The following USO1 variants were observed in gnomAD, a reference collection of about 807,000 sequenced individuals.
The protein encoded by USO1 is USO1 vesicle transport factor.
USO1 carries 57 observed loss-of-function variants against 124.5 expected under a neutral mutation model. The observed-to-expected ratio is 0.46, with a 90% CI of 0.37 to 0.57. The LOEUF (loss-of-function observed/expected upper bound fraction) is 0.57, where lower values mean the gene tolerates loss of function less well. Ranked by LOEUF, USO1 falls within the 20% of genes least tolerant of loss-of-function variation. The pLI is 0.00. For missense variants in USO1, 900 were observed against 1,040.6 expected (o/e 0.86, Z 1.86); for synonymous variants, 369 against 362.8 (o/e 1.02, Z -0.19).
rs1290096821 is a variant in USO1, at chr4:75,752,566, A to G, written c.180A>G (p.Gln60=). The G allele has an allele frequency of 2.5e-6, 1 of 398,448 alleles. No homozygotes were observed. Among genetic ancestry groups the G allele is most frequent in the Non-Finnish European group, 4.4e-6 (1 of 226,052 alleles). 24.7% of individuals were successfully genotyped at this position (398,448 alleles called of 1,614,324 possible). A position where few individuals can be genotyped will look rare whatever the true frequency, so the allele number is the denominator to read the frequency against. The part of the protein sequence containing the change: ...SKKYRLEVGI[Q]AMEHLIHVLQ... ...AATACCGCTTGGAAGTGGGTATACA[A>G]GCTATGGAACATCTTATTCATGTTT... is the stretch of plus-strand genomic sequence containing the variant. The change falls in exon 3 of 24, where the codon CAA becomes CAG. Residue 60 remains glutamine (Q), a synonymous_variant. Coordinates refer to ENST00000514213, the MANE Select transcript of USO1 (RefSeq NM_003715.4).
intron 8 of USO1, among the ~76,000 whole-genome samples, chr4:75,776,691 A>G (rs1722080128): frequency 6.6e-6 from 1 of 152,174 alleles, no homozygotes; most frequent in South Asian, 2.1e-4. Flanking sequence ...CAAAGCCTTC[A>G]GATGGTCCTA....
chr4:75,773,219 G>A (rs865898727), intron 7 of USO1, among the ~76,000 whole-genome samples: 2 of 151,996 alleles, frequency 1.3e-5, no homozygotes, highest in Non-Finnish European at 2.9e-5. Context: ...ACAAATAAGT[G>A]TCTATTTATA....
chr4:75,784,023 T>G (rs1403414142), intron 9 of USO1, among the ~76,000 whole-genome samples: 1 of 152,212 alleles, frequency 6.6e-6, no homozygotes, highest in Non-Finnish European at 1.5e-5. Flanking sequence ...TGCTTTATTT[T>G]GTTTTGTTTT....
chr4:75,780,541 G>C (rs1482950321), intron 8 of USO1, among the ~76,000 whole-genome samples: 1 of 150,836 alleles, frequency 6.6e-6, no homozygotes, highest in Non-Finnish European at 1.5e-5. Context: ...AAAGTGCTGG[G>C]ATTACAGACG....
chr4:75,742,067 A>G (rs1276644835), intron 1 of USO1, among the ~76,000 whole-genome samples: 1 of 152,184 alleles, frequency 6.6e-6, no homozygotes, highest in African/African-American at 2.4e-5. Flanking sequence ...TTCTTCTGGA[A>G]TACTTCTTGA....
In USO1 at chr4:75,752,268, A is replaced by AT. The variant is rs1443548631; in HGVS notation, c.67-104dup. On this transcript the variant is annotated intron_variant, in intron 1 of 23. Coordinates refer to ENST00000514213, the MANE Select transcript of USO1 (RefSeq NM_003715.4). Reference sequence around the variant, plus strand: ...ATTTCTGAAAGACCATTTCTGTTACATCCCATGTGCTGATTTTTTTTTTAA... The same window carrying AT: ...ATTTCTGAAAGACCATTTCTGTTACATTCCCATGTGCTGATTTTTTTTTTAA... The AT allele has an allele frequency of 8.2e-3, 3,246 of 396,090 alleles. 29 individuals carry two copies. The highest frequency in any genetic ancestry group is 9.4e-3 in the Non-Finnish European group (2,108 of 225,114). The allele number at this position is 396,090 out of a possible 1,614,324, so 24.5% of individuals were successfully genotyped here. A position where few individuals can be genotyped will look rare whatever the true frequency, so the allele number is the denominator to read the frequency against.
At position 75,774,009 on chromosome 4, in the gene USO1, AT is replaced by A. The variant is rs1447975752; in HGVS notation, c.556-666del. 3.9e-5 allele frequency among the ~76,000 whole-genome samples: 6 copies of A among 152,330 alleles called. No homozygotes were observed. In the South Asian group the frequency reaches 1.0e-3, roughly 26 times the overall value. On this transcript the variant is annotated intron_variant, in intron 7 of 23. Coordinates refer to ENST00000514213, the MANE Select transcript of USO1 (RefSeq NM_003715.4). Reference sequence around the variant, plus strand: ...TTGCATAATACCAAAATAAGCAAAAATGGGTAACAGTGAGTTTTTATTGAAT... The same window carrying A: ...TTGCATAATACCAAAATAAGCAAAAAGGGTAACAGTGAGTTTTTATTGAAT...
chr4:75,759,994 C>G (rs1721558647), intron 4 of USO1, among the ~76,000 whole-genome samples: 1 of 151,764 alleles, frequency 6.6e-6, no homozygotes. Context: ...GGTGGATCAC[C>G]TGAGGTCAGG....
chr4:75,742,037 ACTC>A (rs1560436616), intron 1 of USO1, among the ~76,000 whole-genome samples: 1 of 151,906 alleles, frequency 6.6e-6, no homozygotes, highest in African/African-American at 2.4e-5. Flanking sequence ...AGAGCTGTCA[ACTC>A]CTATAATAAT....
chr4:75,735,663 G>A (rs1720768505), intron 1 of USO1, among the ~76,000 whole-genome samples: 1 of 152,254 alleles, frequency 6.6e-6, no homozygotes, highest in South Asian at 2.1e-4. Flanking sequence ...TGGGACTACA[G>A]GTACAAGGCA....
chr4:75,725,074 C>T (rs1720368362), intron 1 of USO1, 189 bp downstream of exon 1: 2 of 656,228 alleles, frequency 3.0e-6, no homozygotes, highest in Non-Finnish European at 5.2e-6. Flanking sequence ...GCTCAGTCCC[C>T]ATTGCTGCCG....
At chr4:75,749,861 C>G (rs1721254599) in intron 1 of USO1, among the ~76,000 whole-genome samples, 1 of 151,660 alleles carries the variant, frequency 6.6e-6, no homozygotes, top group African/African-American at 2.4e-5. Flanking sequence ...ATGCCATTCT[C>G]CTGCCTCAGC....
chr4:75,800,852 T>C (rs1326417387), intron 16 of USO1, 53 bp downstream of exon 16: 1 of 1,555,116 alleles, frequency 6.4e-7, no homozygotes, highest in Non-Finnish European at 8.7e-7. Flanking sequence ...ATATTTATAT[T>C]GTACATGTAT....
intron 13 of USO1, among the ~76,000 whole-genome samples, chr4:75,796,687 G>A (rs933121862): frequency 6.6e-6 from 1 of 151,734 alleles, no homozygotes; most frequent in Non-Finnish European, 1.5e-5. Flanking sequence ...TGTAAAATCT[G>A]TGGTTTATAA....
At chr4:75,805,902 T>G (rs1156318893) in intron 19 of USO1, among the ~76,000 whole-genome samples, 2 of 152,312 alleles carry the variant, frequency 1.3e-5, no homozygotes, top group African/African-American at 4.8e-5. Context: ...AGATGGAAAT[T>G]ATTTAATAAA....
At chr4:75,731,158 T>G (rs939885425) in intron 1 of USO1, among the ~76,000 whole-genome samples, 1 of 152,240 alleles carries the variant, frequency 6.6e-6, no homozygotes, top group African/African-American at 2.4e-5. Context: ...GTTTGATTTT[T>G]TAATGTTCCC....
intron 22 of USO1, 45 bp downstream of exon 22, chr4:75,810,584 T>C (rs1483464463): frequency 5.2e-6 from 8 of 1,534,272 alleles, no homozygotes; most frequent in Non-Finnish European, 7.0e-6. Flanking sequence ...TGATATGAAA[T>C]GAACTCTAGG....
chr4:75,730,348 C>T (rs1720594744), intron 1 of USO1, among the ~76,000 whole-genome samples: 1 of 152,112 alleles, frequency 6.6e-6, no homozygotes, highest in African/African-American at 2.4e-5. Context: ...GAAAAAACCT[C>T]TAGTATTTAT....
At chr4:75,742,392 A>G (rs796925243) in intron 1 of USO1, among the ~76,000 whole-genome samples, 2 of 152,346 alleles carry the variant, frequency 1.3e-5, no homozygotes, top group African/African-American at 4.8e-5. Context: ...GCAGTGGTCC[A>G]TTGTTGACTT....
Sources: allele counts gnomAD v4.1 joint callset (sites outside exome capture counted in the v4.1 genomes callset), GRCh38; gene constraint gnomAD v4.1.1; transcripts MANE v1.5; gene names NCBI Gene and HGNC (gene_info 2026-07-23, HGNC 2026-07-21).